Variants in DZIP1 observed in about 807,000 individuals in gnomAD.
DZIP1 encodes the protein DAZ interacting zinc finger protein 1, also known as cilium assembly protein DZIP1.
Under a neutral mutation model 107.6 loss-of-function variants are expected in DZIP1, and 97 were observed. The ratio of observed to expected loss-of-function variants is 0.90; its 90% CI spans 0.77 to 1.07. DZIP1 has a LOEUF of 1.07. DZIP1 is among the 50% of genes least tolerant of loss of function. The pLI is 0.00. For synonymous variants in DZIP1, 390 were observed against 386.4 expected (o/e 1.01, Z -0.11); for missense variants, 1,035 against 1,063.6 (o/e 0.97, Z 0.37).
chr13:95,585,935 A>G, intron 21 of DZIP1, 71 bp downstream of exon 21: 1 of 1,456,628 alleles, frequency 6.9e-7, no homozygotes, highest in Non-Finnish European at 9.2e-7. Context: ...ATTTCACTAC[A>G]AAAAGTGTGA....
rs1566356818 is a variant in DZIP1 at position 95,584,912 on chromosome 13, T to C, written c.2350-2A>G. ...GTCTTCATCCTCCACATCCGCACAC[T>C]AAAAGAAAGGCATGGAGAATAATTA... On this transcript the variant is annotated splice_acceptor_variant, in intron 21 of 22. Transcript: ENST00000376829. LOFTEE classifies it high-confidence loss of function. 6.2e-7 allele frequency: 1 copy of C among 1,607,092 alleles called. No homozygotes were observed. The highest frequency in any genetic ancestry group is 8.5e-7 in the Non-Finnish European group (1 of 1,177,298).
Position 95,641,855 on chromosome 13 carries a change from G to A in DZIP1, c.37C>T (p.Pro13Ser). Residue 13 changes from proline to serine, a missense_variant and splice_region_variant, in exon 5 of 23, where the codon CCC becomes TCC. Transcript: ENST00000376829. This position sits in a 1 kb window ranked among gnomAD's most constrained non-coding sequence, Gnocchi z 4.3. ...AEAADWFSSMPFQKHVYYPLA... is the reference protein window; with the variant it reads ...AEAADWFSSMSFQKHVYYPLA... ...GGGTAGTAGACATGCTTCTGGAAGG[G>A]CTGCGGGGGGCACAAAGAGAGCGCG... 1 of 1,446,916 alleles carries A rather than the reference G, an allele frequency of 6.9e-7. No individual in the cohort carries two copies. Among genetic ancestry groups the A allele is most frequent in the Non-Finnish European group, 9.0e-7 (1 of 1,107,394 alleles). The allele number at this position is 1,446,916 out of a possible 1,614,324, so 89.6% of individuals were successfully genotyped here.
intron 6 of DZIP1, chr13:95,630,737 T>G: frequency 7.8e-7 from 1 of 1,274,886 alleles, no homozygotes; most frequent in Admixed American, 2.5e-5. Context: ...CATGACTGAA[T>G]GGATGTACAT....
At position 95,642,057 on chromosome 13, in the gene DZIP1, C is replaced by T. The variant is rs776783629; in HGVS notation, c.-28G>A. ...GAGGAGCCGGGCGGTCTTTACCCAG[C>T]CTGGGCCGCCTCCCGGGCCGCCGCC... On this transcript the variant is annotated 5_prime_UTR_variant, in exon 4 of 23. Coordinates refer to ENST00000376829, the MANE Select transcript of DZIP1 (RefSeq NM_198968.4). 4 of 1,521,584 alleles carry T rather than the reference C, an allele frequency of 2.6e-6. No individual in the cohort carries two copies. In the African/African-American group the frequency reaches 5.8e-5, roughly 22 times the overall value. The allele number at this position is 1,521,584 out of a possible 1,614,324, so 94.3% of individuals were successfully genotyped here. A position where few individuals can be genotyped will look rare whatever the true frequency, so the allele number is the denominator to read the frequency against.
At position 95,641,513 on chromosome 13, in the gene DZIP1, T is replaced by C. The variant is rs1878495292; in HGVS notation, c.379A>G (p.Thr127Ala). 1 of 1,614,028 alleles carries C rather than the reference T, an allele frequency of 6.2e-7. No homozygotes were observed. Among genetic ancestry groups the C allele is most frequent in the Non-Finnish European group, 8.5e-7 (1 of 1,180,014 alleles). Reference sequence around the variant, plus strand: ...TGTGAGTGCAGCAAGTACTCGATGGTGAACTGCGCCAGACGGATGAGCTTC... The same window carrying C: ...TGTGAGTGCAGCAAGTACTCGATGGCGAACTGCGCCAGACGGATGAGCTTC... ...LLKLIRLAQF[T>A]IEYLLHSQEF... The change falls in exon 5 of 23, where the codon ACC becomes GCC. Residue 127 changes from threonine to alanine, a missense_variant. By Grantham distance (58) the Thr-to-Ala change is moderately conservative. Transcript: ENST00000376829. This position sits in a 1 kb window ranked among gnomAD's most constrained non-coding sequence, Gnocchi z 4.3.
At chr13:95,600,625 T>TAGACAGACAGACAGACAGAC (rs1453410238) in intron 14 of DZIP1, among the ~76,000 whole-genome samples, 5 of 125,208 alleles carry the variant, frequency 4.0e-5, no homozygotes, top group Non-Finnish European at 6.6e-5. Context: ...GATAGATAGA[T>TAGACAGACAGACAGACAGAC]AGATAGACAG....
At chr13:95,625,146 A>G (rs1284771157) in intron 7 of DZIP1, among the ~76,000 whole-genome samples, 1 of 152,236 alleles carries the variant, frequency 6.6e-6, no homozygotes, top group Non-Finnish European at 1.5e-5. Flanking sequence ...ACATCCCTTA[A>G]AATACCAACA....
At chr13:95,630,575 A>T in intron 6 of DZIP1, 1 of 429,112 alleles carries the variant, frequency 2.3e-6, no homozygotes, top group Non-Finnish European at 3.7e-6. Flanking sequence ...CATCAGTGCT[A>T]ATACAAGCAG....
intron 5 of DZIP1, among the ~76,000 whole-genome samples, chr13:95,639,415 A>C (rs1878211063): frequency 6.6e-6 from 1 of 152,014 alleles, no homozygotes; most frequent in Non-Finnish European, 1.5e-5. Flanking sequence ...ACACGGTGAA[A>C]CCTCGTCTCT....
intron 10 of DZIP1, 146 bp from the exon 11 acceptor site, chr13:95,612,323 G>A: frequency 1.1e-6 from 1 of 923,528 alleles, no homozygotes; most frequent in South Asian, 1.8e-5. Context: ...CTTTGATCAT[G>A]GTATATCCTG....
chr13:95,602,630 C>T (rs576371734), intron 14 of DZIP1, among the ~76,000 whole-genome samples: 26 of 152,386 alleles, frequency 1.7e-4, no homozygotes, highest in African/African-American at 6.0e-4. Flanking sequence ...TAACTCCTGT[C>T]AAAGACATGT....
chr13:95,622,330 C>T lies in DZIP1; in HGVS notation c.1110+13G>A. Reference sequence around the variant, plus strand: ...GAAGGCATCCACTGCAGCTGTCACCCACTTGCACGTACCTGACTATCAAGA... The same window carrying T: ...GAAGGCATCCACTGCAGCTGTCACCTACTTGCACGTACCTGACTATCAAGA... On this transcript the variant is annotated intron_variant, in intron 9 of 22. Transcript: ENST00000376829. The T allele has an allele frequency of 1.9e-6, 3 of 1,614,120 alleles. No homozygotes were observed. Among genetic ancestry groups the T allele is most frequent in the Non-Finnish European group, 1.7e-6 (2 of 1,180,016 alleles).
chr13:95,628,876 G>A (rs1195021935), intron 7 of DZIP1, among the ~76,000 whole-genome samples: 1 of 152,074 alleles, frequency 6.6e-6, no homozygotes, highest in African/African-American at 2.4e-5. Context: ...AGGGGGGAGT[G>A]GAGCACTGTT....
chr13:95,621,013 CG>C (rs950538074), intron 9 of DZIP1, among the ~76,000 whole-genome samples: 7 of 152,172 alleles, frequency 4.6e-5, no homozygotes, highest in African/African-American at 1.7e-4. Context: ...CTGCTCTGCA[CG>C]GGAGGCGAGT....
intron 9 of DZIP1, among the ~76,000 whole-genome samples, chr13:95,622,029 C>T (rs112281834): frequency 1.0e-3 from 159 of 152,282 alleles, no homozygotes; most frequent in African/African-American, 2.9e-3. Flanking sequence ...TGCCCTTCTA[C>T]ACCTTTTGAA....
intron 14 of DZIP1, among the ~76,000 whole-genome samples, chr13:95,605,784 T>A (rs1442869402): frequency 6.6e-6 from 1 of 152,250 alleles, no homozygotes; most frequent in African/African-American, 2.4e-5. Flanking sequence ...CAACCTTTTA[T>A]ACCTATATAC....
chr13:95,598,858 A>T (rs2044533887), intron 15 of DZIP1, among the ~76,000 whole-genome samples: 1 of 152,184 alleles, frequency 6.6e-6, no homozygotes, highest in African/African-American at 2.4e-5. Flanking sequence ...CACCTGTAAC[A>T]GCTCCCAAAT....
At chr13:95,626,982 C>A (rs528015292) in intron 7 of DZIP1, among the ~76,000 whole-genome samples, 6 of 152,292 alleles carry the variant, frequency 3.9e-5, no homozygotes, top group Middle Eastern at 3.4e-3. Flanking sequence ...ATTCCAATAA[C>A]CTTCTTTGCA....
chr13:95,617,829 G>A, intron 10 of DZIP1: 1 of 499,378 alleles, frequency 2.0e-6, no homozygotes, highest in Non-Finnish European at 4.0e-6. Context: ...CAGAAATGGA[G>A]GCTTAGTTAA....
Sources: gnomAD v4.1 joint callset for allele counts (sites outside exome capture counted in the v4.1 genomes callset) on GRCh38, gnomAD v4.1.1 for gene constraint, Gnocchi (gnomAD v3.1) non-coding constraint, MANE v1.5 for transcripts, NCBI Gene and HGNC (gene_info 2026-07-23, HGNC 2026-07-21) for gene names.